The following MICAL2 variants were observed in gnomAD, a reference collection of about 807,000 sequenced individuals.
MICAL2 encodes the protein microtubule associated monooxygenase, calponin and LIM domain containing 2.
MICAL2 carries 77 observed loss-of-function variants against 127.3 expected under a neutral mutation model. The ratio of observed to expected loss-of-function variants is 0.60; its 90% CI spans 0.50 to 0.73. The LOEUF is 0.73. Ranked by LOEUF, MICAL2 falls within the 30% of genes least tolerant of loss-of-function variation. The pLI is 0.00. For missense variants in MICAL2, 1,351 were observed against 1,434.4 expected (o/e 0.94, Z 0.94); for synonymous variants, 570 against 551.1 (o/e 1.03, Z -0.48).
chr11:12,181,807 T>C (rs928212090), intron 3 of MICAL2, among the ~76,000 whole-genome samples: 12 of 152,390 alleles, frequency 7.9e-5, no homozygotes, highest in African/African-American at 2.6e-4. Flanking sequence ...TCCCCCATGC[T>C]GGGGATTCAT....
intron 32 of MICAL2, among the ~76,000 whole-genome samples, chr11:12,336,366 G>A (rs1368188585): frequency 6.6e-6 from 1 of 152,106 alleles, no homozygotes; most frequent in Non-Finnish European, 1.5e-5. Flanking sequence ...GAGACAATGG[G>A]GTTTTCTAGA....
intron 26 of MICAL2, 77 bp from the exon 27 acceptor site, chr11:12,262,403 T>A: frequency 6.2e-6 from 10 of 1,603,256 alleles, no homozygotes; most frequent in Non-Finnish European, 8.5e-6. Flanking sequence ...GTGATGTTAA[T>A]CATTTCCTTT....
At chr11:12,144,543 C>T (rs1448347820) in intron 2 of MICAL2, among the ~76,000 whole-genome samples, 1 of 152,184 alleles carries the variant, frequency 6.6e-6, no homozygotes, top group Non-Finnish European at 1.5e-5. Context: ...GGAGAGGCAG[C>T]GTTCTTCCCC....
intron 29 of MICAL2, among the ~76,000 whole-genome samples, chr11:12,301,746 G>T (rs777705699): frequency 3.9e-5 from 6 of 152,148 alleles, no homozygotes; most frequent in Non-Finnish European, 8.8e-5. Flanking sequence ...GTCCATGCAG[G>T]TTAGTCCAGC....
chr11:12,246,045 C>G (rs1472018796), intron 21 of MICAL2, among the ~76,000 whole-genome samples: 1 of 152,258 alleles, frequency 6.6e-6, no homozygotes, highest in Non-Finnish European at 1.5e-5. Context: ...CTGCCTTTCT[C>G]TCATCCCCAG....
chr11:12,354,164 T>C (rs6485678), intron 33 of MICAL2, among the ~76,000 whole-genome samples: 138,723 of 152,262 alleles, frequency 0.91, 63,218 homozygotes, highest in East Asian at 0.94. Context: ...ATCCCAGCAG[T>C]AGCAGAACCT....
intron 15 of MICAL2, among the ~76,000 whole-genome samples, chr11:12,230,358 A>G (rs926818464): frequency 1.3e-5 from 2 of 152,158 alleles, no homozygotes; most frequent in African/African-American, 2.4e-5. Context: ...GCTCCCTCAC[A>G]TTTACACCAA....
At chr11:12,197,989 T>A (rs571747906) in intron 3 of MICAL2, among the ~76,000 whole-genome samples, 5 of 152,336 alleles carry the variant, frequency 3.3e-5, no homozygotes, top group Admixed American at 3.3e-4. Context: ...CAGGAATAAC[T>A]GGATACAGAA....
At chr11:12,345,007 G>A (rs1938931358) in intron 32 of MICAL2, among the ~76,000 whole-genome samples, 1 of 151,662 alleles carries the variant, frequency 6.6e-6, no homozygotes, top group Admixed American at 6.6e-5. Context: ...AGCTACTCGG[G>A]AGGCTGAGGC....
At chr11:12,310,269 C>T (rs10831783) in intron 29 of MICAL2, among the ~76,000 whole-genome samples, 81,337 of 151,966 alleles carry the variant, frequency 0.54, 23,644 homozygotes, top group Non-Finnish European at 0.66. Context: ...TGTCCTATAG[C>T]GCTTCTCCAG....
At chr11:12,215,828 G>A (rs1413596259) in intron 7 of MICAL2, among the ~76,000 whole-genome samples, 3 of 152,308 alleles carry the variant, frequency 2.0e-5, no homozygotes, top group Middle Eastern at 3.4e-3. Context: ...TACTATGGGC[G>A]CATGGAGGGC....
Position 12,242,746 on chromosome 11 carries a change from A to G in MICAL2, c.2632A>G (p.Met878Val), listed in dbSNP as rs148802800. ...GGAGAAGGCGGCTCACCTTGCCTCC[A>G]TGTTTGGACACGGGGATTTCCCGCA... is the stretch of plus-strand genomic sequence containing the variant. Reference protein sequence around the residue: ...IKEKAAHLASMFGHGDFPQNK... With the variant: ...IKEKAAHLASVFGHGDFPQNK... The change falls in exon 20 of 28, where the codon ATG becomes GTG. Residue 878 changes from methionine (M) to valine (V), a missense_variant. By Grantham distance (21) the Met-to-Val change is conservative. Transcript: ENST00000683283. 7 of 1,610,256 alleles carry G rather than the reference A, an allele frequency of 4.3e-6. No homozygotes were observed. The highest frequency in any genetic ancestry group is 1.3e-5 in the African/African-American group (1 of 74,636).
At chr11:12,360,321 C>G (rs1939188833), downstream of MICAL2, among the ~76,000 whole-genome samples, 1 of 152,004 alleles carries the variant, frequency 6.6e-6, no homozygotes, top group Non-Finnish European at 1.5e-5. Context: ...TTGGAGAAGA[C>G]CTATTAGCAC....
chr11:12,177,550 T>A (rs1374879544), intron 3 of MICAL2, among the ~76,000 whole-genome samples: 2 of 152,228 alleles, frequency 1.3e-5, no homozygotes, highest in East Asian at 3.8e-4. Flanking sequence ...GGCTTTGGTG[T>A]CATATCCAAG....
intron 32 of MICAL2, chr11:12,349,745 C>A: frequency 1.6e-6 from 2 of 1,246,360 alleles, no homozygotes; most frequent in Non-Finnish European, 2.3e-6. Context: ...GCCCTTGTCA[C>A]TACAAACATA....
intron 25 of MICAL2, 25 bp from the exon 26 acceptor site, chr11:12,259,770 G>T (rs1028446535): frequency 5.1e-5 from 78 of 1,519,338 alleles, no homozygotes; most frequent in Non-Finnish European, 6.2e-5. Flanking sequence ...ACAGACAAAT[G>T]CCCTCATTTC....
chr11:12,162,162 G>C lies in MICAL2; in HGVS notation c.7G>C (p.Glu3Gln), dbSNP rs985876086. The change falls in exon 3 of 28, where the codon GAA becomes CAA. Residue 3 changes from glutamate (E) to glutamine (Q), a missense_variant. Physicochemically the swap from Glu to Gln is conservative, Grantham distance 29. Coordinates refer to ENST00000683283, the MANE Select transcript of MICAL2 (RefSeq NM_001282663.2). MG[E>Q]NEDEKQAQAG... ...CGCACACGACTCCTGAACCATGGGG[G>C]AAAACGAGGATGAGAAGCAGGCCCA... The C allele has an allele frequency of 8.7e-6, 14 of 1,614,030 alleles. No individual in the cohort carries two copies. Among genetic ancestry groups the C allele is most frequent in the Non-Finnish European group, 1.0e-5 (12 of 1,180,052 alleles).
chr11:12,129,636 C>CTTTTTTTTTTTTTTTTTTT (rs559528778), intron 1 of MICAL2, among the ~76,000 whole-genome samples: 1 of 97,462 alleles, frequency 1.0e-5, no homozygotes. Flanking sequence ...TCTTCTTCTT[C>CTTTTTTTTTTTTTTTTTTT]TTTTTTTTTT....
intron 3 of MICAL2, among the ~76,000 whole-genome samples, chr11:12,183,915 G>A (rs1462530108): frequency 6.6e-6 from 1 of 152,090 alleles, no homozygotes; most frequent in Admixed American, 6.5e-5. Context: ...GAGTAGCTGG[G>A]ACCACCGGTG....
Sources: gnomAD v4.1 joint callset for allele counts (sites outside exome capture counted in the v4.1 genomes callset) on GRCh38, gnomAD v4.1.1 for gene constraint, MANE v1.5 for transcripts, NCBI Gene and HGNC (gene_info 2026-07-23, HGNC 2026-07-21) for gene names.